PPARGC1A: variants seen among roughly 807,000 people sequenced by gnomAD.
PPARGC1A encodes the protein PPARG coactivator 1 alpha, also known as peroxisome proliferator-activated receptor gamma coactivator 1-alpha.
A neutral mutation model predicts 88.7 loss-of-function variants in PPARGC1A; 25 were observed. That is an observed-to-expected ratio of 0.28 (90% CI 0.21 to 0.39). The LOEUF (loss-of-function observed/expected upper bound fraction) is 0.39. Among genes scored for constraint, PPARGC1A ranks in the 10% least tolerant of loss-of-function variants. The pLI, the probability that PPARGC1A is intolerant of heterozygous loss-of-function variation, is 1.00. For missense variants in PPARGC1A, 880 were observed against 968.7 expected (o/e 0.91, Z 1.22); for synonymous variants, 363 against 355.6 (o/e 1.02, Z -0.24).
At chr4:24,305,835 G>A in the PPARGC1A span, among the ~76,000 whole-genome samples, 1 of 152,144 alleles carries the variant, frequency 6.6e-6, no homozygotes, top group East Asian at 1.9e-4. Flanking sequence ...AAAAGAGGGT[G>A]GCCATTATCA....
the PPARGC1A span, among the ~76,000 whole-genome samples, chr4:24,021,116 C>T: frequency 4.6e-5 from 7 of 152,342 alleles, no homozygotes; most frequent in South Asian, 1.2e-3. Flanking sequence ...GGGTTCCTGG[C>T]CCATAGCAGG....
chr4:24,344,019 C>T, the PPARGC1A span, among the ~76,000 whole-genome samples: 1 of 152,122 alleles, frequency 6.6e-6, no homozygotes, highest in Non-Finnish European at 1.5e-5. Context: ...TGAGTTACCT[C>T]ACTTAGAATA....
chr4:24,089,510 C>CTTTTT, the PPARGC1A span, among the ~76,000 whole-genome samples: 69 of 33,820 alleles, frequency 2.0e-3, 3 homozygotes, highest in African/African-American at 4.4e-3. Flanking sequence ...CTTTTCTTTT[C>CTTTTT]TTTCTTTTTT....
At chr4:23,900,049 C>A (rs1028854073), upstream of PPARGC1A, among the ~76,000 whole-genome samples, 1 of 151,860 alleles carries the variant, frequency 6.6e-6, no homozygotes, top group Non-Finnish European at 1.5e-5. Context: ...AACTTACCTC[C>A]TTAAAGGGGC....
the PPARGC1A span, among the ~76,000 whole-genome samples, chr4:24,401,559 G>C: frequency 2.0e-5 from 3 of 152,170 alleles, no homozygotes; most frequent in African/African-American, 7.2e-5. Context: ...TGTTTACTGA[G>C]CATGTACTAT....
chr4:23,877,451 T>G lies in PPARGC1A; in HGVS notation c.234+7301A>C, dbSNP rs970974966. Among the ~76,000 whole-genome samples, 50 of 135,284 alleles carry G rather than the reference T, an allele frequency of 3.7e-4. 1 individual carries two copies. Among genetic ancestry groups the G allele is most frequent in the African/African-American group, 1.3e-3 (47 of 35,200 alleles). The allele number at this position is 135,284 out of a possible 152,430, so 88.8% of individuals were successfully genotyped here. ...TACTAGGGAGGCTGAGGCAGGAGAA[T>G]GGCGTGAACCCAGGAGGGGGAGGTT... On this transcript the variant is annotated intron_variant, in intron 2 of 12. Transcript: ENST00000264867.
the PPARGC1A span, among the ~76,000 whole-genome samples, chr4:24,049,330 G>GTGTT: frequency 4.5e-5 from 5 of 110,060 alleles, no homozygotes; most frequent in African/African-American, 1.2e-4. Flanking sequence ...ATATGTGTGT[G>GTGTT]TGTGTATATA....
At chr4:24,240,943 C>G in the PPARGC1A span, among the ~76,000 whole-genome samples, 1 of 152,156 alleles carries the variant, frequency 6.6e-6, no homozygotes, top group Non-Finnish European at 1.5e-5. Context: ...ACATCCCCCT[C>G]TCATCCAAAG....
the PPARGC1A span, among the ~76,000 whole-genome samples, chr4:23,956,711 T>C: frequency 1.3e-5 from 2 of 152,044 alleles, no homozygotes; most frequent in Non-Finnish European, 2.9e-5. Flanking sequence ...AATGCAAATA[T>C]TTCCCTCCAT....
the PPARGC1A span, among the ~76,000 whole-genome samples, chr4:24,164,545 C>T: frequency 6.6e-6 from 1 of 151,474 alleles, no homozygotes; most frequent in Non-Finnish European, 1.5e-5. Flanking sequence ...TCCATGGTGC[C>T]ACATATACAT....
the PPARGC1A span, among the ~76,000 whole-genome samples, chr4:24,387,906 G>GA: frequency 7.1e-3 from 27 of 3,792 alleles, 1 homozygote; most frequent in Non-Finnish European, 0.079. Flanking sequence ...AAAAGAAAGA[G>GA]AAAGAAAGAA....
intron 5 of PPARGC1A, among the ~76,000 whole-genome samples, chr4:23,827,691 T>C (rs1388332): frequency 0.097 from 14,794 of 152,140 alleles, 767 homozygotes; most frequent in East Asian, 0.19. Flanking sequence ...ATAATAAAAA[T>C]CAACCCAGAT....
chr4:23,912,579 C>A, the PPARGC1A span, among the ~76,000 whole-genome samples: 1 of 151,976 alleles, frequency 6.6e-6, no homozygotes, highest in African/African-American at 2.4e-5. Context: ...TATGGGTGAG[C>A]CTCATCCAGT....
chr4:24,020,370 C>A, the PPARGC1A span, among the ~76,000 whole-genome samples: 512 of 152,102 alleles, frequency 3.4e-3, 6 homozygotes, highest in African/African-American at 0.012. Context: ...TTTCCCCTTG[C>A]TTTTTTTGAG....
At chr4:24,278,190 T>G in the PPARGC1A span, among the ~76,000 whole-genome samples, 3 of 151,792 alleles carry the variant, frequency 2.0e-5, no homozygotes, top group Non-Finnish European at 2.9e-5. Flanking sequence ...AAATAAAAAT[T>G]GAAATAAAAT....
chr4:24,118,309 G>A, the PPARGC1A span, among the ~76,000 whole-genome samples: 5 of 152,044 alleles, frequency 3.3e-5, no homozygotes, highest in Admixed American at 6.6e-5. Context: ...GAACAGCTGC[G>A]TTACCCACCC....
chr4:24,233,285 T>C, the PPARGC1A span, among the ~76,000 whole-genome samples: 1 of 152,212 alleles, frequency 6.6e-6, no homozygotes, highest in Non-Finnish European at 1.5e-5. Flanking sequence ...TATGATGTGA[T>C]ATGTTGGTCT....
At chr4:24,437,866 G>C in the PPARGC1A span, among the ~76,000 whole-genome samples, 1 of 151,928 alleles carries the variant, frequency 6.6e-6, no homozygotes, top group East Asian at 1.9e-4. Context: ...AAGTAGAGAA[G>C]GGGTTTCACC....
the PPARGC1A span, among the ~76,000 whole-genome samples, chr4:24,272,358 G>A: frequency 6.6e-6 from 1 of 151,998 alleles, no homozygotes; most frequent in Admixed American, 6.6e-5. Context: ...TACACCCCGT[G>A]CTCTACCCAT....
Sources: gnomAD v4.1 joint callset for allele counts (sites outside exome capture counted in the v4.1 genomes callset) on GRCh38, gnomAD v4.1.1 for gene constraint, MANE v1.5 for transcripts, NCBI Gene and HGNC (gene_info 2026-07-23, HGNC 2026-07-21) for gene names.